The following SINHCAF variants were observed in gnomAD, a reference collection of about 807,000 sequenced individuals.
The protein encoded by SINHCAF is SIN3-HDAC complex-associated factor.
SINHCAF carries 3 observed loss-of-function variants against 25.8 expected under a neutral mutation model. The observed-to-expected ratio is 0.12, with a 90% CI of 0.05 to 0.30. SINHCAF has a LOEUF of 0.30. Ranked by LOEUF, SINHCAF falls within the 10% of genes least tolerant of loss-of-function variation. SINHCAF has a pLI of 1.00. For synonymous variants in SINHCAF, 70 were observed against 85.5 expected (o/e 0.82, Z 1.00); for missense variants, 121 against 262.3 (o/e 0.46, Z 3.72).
intron 1 of SINHCAF, among the ~76,000 whole-genome samples, chr12:31,305,681 C>G (rs116179073): frequency 2.0e-5 from 3 of 150,338 alleles, no homozygotes; most frequent in Non-Finnish European, 2.9e-5. Context: ...AATCAAAATA[C>G]GGAAATATAG....
At chr12:31,311,749 T>C (rs905558007) in intron 1 of SINHCAF, 3 of 513,156 alleles carry the variant, frequency 5.8e-6, no homozygotes, top group Admixed American at 2.4e-5. Flanking sequence ...CACTCCATAC[T>C]TGAACATTTC....
At chr12:31,292,669 C>T (rs552485630) in intron 4 of SINHCAF, among the ~76,000 whole-genome samples, 28 of 151,912 alleles carry the variant, frequency 1.8e-4, no homozygotes, top group Non-Finnish European at 3.1e-4. Flanking sequence ...TATTAAGTGG[C>T]CCAGATCAAG....
At chr12:31,315,171 G>A (rs1939449181) in intron 1 of SINHCAF, among the ~76,000 whole-genome samples, 1 of 152,194 alleles carries the variant, frequency 6.6e-6, no homozygotes, top group African/African-American at 2.4e-5. Flanking sequence ...AATATGTGCG[G>A]TATGGTGAAG....
In SINHCAF at chr12:31,324,673, G is replaced by C; in HGVS notation, c.-21+1351C>G. 1 of 320,860 alleles carries C rather than the reference G, an allele frequency of 3.1e-6. No individual in the cohort carries two copies. Among genetic ancestry groups the C allele is most frequent in the South Asian group, 2.4e-5 (1 of 41,198 alleles). The allele number at this position is 320,860 out of a possible 1,614,324, so 19.9% of individuals were successfully genotyped here. A position where few individuals can be genotyped will look rare whatever the true frequency, so the allele number is the denominator to read the frequency against. ...AGCCCTTTGTTTTCTGTCCAGCCGGGCGCTGCCTACGTGCAGCATCAGGGA... is the reference window on the plus strand; with the variant it reads ...AGCCCTTTGTTTTCTGTCCAGCCGGCCGCTGCCTACGTGCAGCATCAGGGA... On this transcript the variant is annotated intron_variant, in intron 1 of 5. Coordinates refer to ENST00000337682, the MANE Select transcript of SINHCAF (RefSeq NM_001135812.2). The surrounding 1 kb of genome is among the most constrained non-coding windows in gnomAD (Gnocchi z 5.5).
intron 2 of SINHCAF, 106 bp downstream of exon 2, chr12:31,297,971 G>C: frequency 8.7e-7 from 1 of 1,150,418 alleles, no homozygotes; most frequent in South Asian, 1.5e-5. Flanking sequence ...TAGAATAAGT[G>C]ATTTTTATTA....
At chr12:31,311,912 C>A in intron 1 of SINHCAF, 1 of 550,720 alleles carries the variant, frequency 1.8e-6, no homozygotes, top group Non-Finnish European at 3.5e-6. Flanking sequence ...ATTTTAATGA[C>A]TAGTATCTTT....
intron 1 of SINHCAF, among the ~76,000 whole-genome samples, chr12:31,323,629 A>C (rs1168434573): frequency 6.6e-6 from 1 of 152,134 alleles, no homozygotes; most frequent in African/African-American, 2.4e-5. Flanking sequence ...AACAAACTGC[A>C]CCGCCCTACC....
rs1937795876 is a variant in SINHCAF, at chr12:31,281,543, A to G, written c.*1169T>C. 6.6e-6 allele frequency: 1 copy of G among 152,232 alleles called. No individual in the cohort carries two copies. Among genetic ancestry groups the G allele is most frequent in the African/African-American group, 2.4e-5 (1 of 41,460 alleles). The allele number at this position is 152,232 out of a possible 1,614,324, so 9.4% of individuals were successfully genotyped here. ...TGAAGTCACAGAAGTCATGTAACAC[A>G]AACAAAAGTCGATTATATTTACACA... On this transcript the variant is annotated 3_prime_UTR_variant, in exon 6 of 6. Transcript: ENST00000337682.
chr12:31,297,976 T>C (rs1938615602), intron 2 of SINHCAF, 101 bp downstream of exon 2: 1 of 1,186,542 alleles, frequency 8.4e-7, no homozygotes, highest in African/African-American at 1.5e-5. Context: ...TAAGTGATTT[T>C]TATTATTAGC....
intron 1 of SINHCAF, among the ~76,000 whole-genome samples, chr12:31,318,571 G>A (rs1254919739): frequency 6.6e-6 from 1 of 151,684 alleles, no homozygotes; most frequent in African/African-American, 2.4e-5. Flanking sequence ...AAATGGCATA[G>A]GTTAAAAATA....
chr12:31,309,081 T>C (rs1939151064), intron 1 of SINHCAF, among the ~76,000 whole-genome samples: 1 of 148,236 alleles, frequency 6.7e-6, no homozygotes, highest in Non-Finnish European at 1.5e-5. Flanking sequence ...TGAGCTGAGA[T>C]TGTGCCACTG....
Position 31,298,208 on chromosome 12 carries a change from T to C in SINHCAF, c.-4A>G. 1 of 1,614,050 alleles carries C rather than the reference T, an allele frequency of 6.2e-7. No individual in the cohort carries two copies. Among genetic ancestry groups the C allele is most frequent in the East Asian group, 2.2e-5 (1 of 44,882 alleles). On this transcript the variant is annotated 5_prime_UTR_variant, in exon 2 of 6. Coordinates refer to ENST00000337682, the MANE Select transcript of SINHCAF (RefSeq NM_001135812.2). ...TTGGCTTGTGAAAACCAAACATCTT[T>C]TCTTCTGGGCAATAGTCTGTAAAGC...
Position 31,325,340 on chromosome 12 carries a change from C to A in SINHCAF, c.-21+684G>T. On this transcript the variant is annotated intron_variant, in intron 1 of 5. Transcript: ENST00000337682. The surrounding 1 kb of genome is among the most constrained non-coding windows in gnomAD (Gnocchi z 5.9). ...TGTTTTTAAGCGACCGCGTGTTGCTCTCATTGTCGCATCCGCATCCCTCCG... is the reference window on the plus strand; with the variant it reads ...TGTTTTTAAGCGACCGCGTGTTGCTATCATTGTCGCATCCGCATCCCTCCG... 4.7e-6 allele frequency: 2 copies of A among 421,330 alleles called. No homozygotes were observed. Among genetic ancestry groups the A allele is most frequent in the Non-Finnish European group, 4.8e-6 (1 of 208,982 alleles). The allele number at this position is 421,330 out of a possible 1,614,324, so 26.1% of individuals were successfully genotyped here. A position where few individuals can be genotyped will look rare whatever the true frequency, so the allele number is the denominator to read the frequency against.
At chr12:31,305,801 G>A (rs1485119381) in intron 1 of SINHCAF, among the ~76,000 whole-genome samples, 1 of 150,634 alleles carries the variant, frequency 6.6e-6, no homozygotes, top group Non-Finnish European at 1.5e-5. Flanking sequence ...CCAGGTTTAA[G>A]CGATTCTCCT....
At chr12:31,285,412 TATAC>T (rs1278215259) in intron 5 of SINHCAF, among the ~76,000 whole-genome samples, 18 of 66,466 alleles carry the variant, frequency 2.7e-4, no homozygotes, top group African/African-American at 1.3e-3. Context: ...TATTTATATA[TATAC>T]ATACACACAC....
At chr12:31,316,030 G>C (rs1939482916) in intron 1 of SINHCAF, among the ~76,000 whole-genome samples, 2 of 152,076 alleles carry the variant, frequency 1.3e-5, no homozygotes, top group African/African-American at 4.8e-5. Context: ...GCCAGGCGTA[G>C]TAGTGGCAGA....
chr12:31,316,735 CTAAA>C (rs1939509820), intron 1 of SINHCAF, among the ~76,000 whole-genome samples: 1 of 152,100 alleles, frequency 6.6e-6, no homozygotes, highest in Non-Finnish European at 1.5e-5. Context: ...CTCAGCAATA[CTAAA>C]TACTTGTTCA....
intron 1 of SINHCAF, among the ~76,000 whole-genome samples, chr12:31,323,307 A>C (rs1051408589): frequency 6.6e-5 from 10 of 152,222 alleles, no homozygotes; most frequent in African/African-American, 2.4e-4. Context: ...AAATGTGTTC[A>C]ATTTTGCGAC....
chr12:31,315,969 C>CA (rs1197022037), intron 1 of SINHCAF, among the ~76,000 whole-genome samples: 2 of 152,070 alleles, frequency 1.3e-5, no homozygotes, highest in African/African-American at 4.8e-5. Context: ...AGTTTGAGAC[C>CA]AGCCTGACCA....
Sources: gnomAD v4.1 joint callset for allele counts (sites outside exome capture counted in the v4.1 genomes callset) on GRCh38, gnomAD v4.1.1 for gene constraint, Gnocchi (gnomAD v3.1) non-coding constraint, MANE v1.5 for transcripts, NCBI Gene and HGNC (gene_info 2026-07-23, HGNC 2026-07-21) for gene names.